TBCA: variants seen among roughly 807,000 people sequenced by gnomAD.
TBCA encodes the protein tubulin folding cofactor A, also known as tubulin-specific chaperone A.
Under a neutral mutation model 15.8 loss-of-function variants are expected in TBCA, and 6 were observed. That is an observed-to-expected ratio of 0.38 (90% confidence interval 0.21 to 0.75). TBCA has a LOEUF of 0.75. TBCA is among the 30% of genes least tolerant of loss of function. TBCA has a pLI of 0.46. For missense variants in TBCA, 90 were observed against 131.2 expected, an observed-to-expected ratio of 0.69 and a Z score of 1.53; for synonymous variants, 32 against 42.3, an observed-to-expected ratio of 0.76 and a Z score of 0.94.
At chr5:77,768,216 T>C (rs1747829718) in intron 1 of TBCA, among the ~76,000 whole-genome samples, 1 of 152,216 alleles carries the variant, frequency 6.6e-6, no homozygotes, top group African/African-American at 2.4e-5. Context: ...GTGTTAATGA[T>C]AATAATGAGA....
intron 1 of TBCA, among the ~76,000 whole-genome samples, chr5:77,729,629 A>AG: frequency 6.6e-6 from 1 of 152,236 alleles, no homozygotes; most frequent in African/African-American, 2.4e-5. Context: ...TTTGCTAAAA[A>AG]GTAACATTCA....
At chr5:77,730,898 GATTTTTAATAACAAT>G in intron 1 of TBCA, among the ~76,000 whole-genome samples, 2 of 152,180 alleles carry the variant, frequency 1.3e-5, no homozygotes, top group East Asian at 3.9e-4. Flanking sequence ...CTCCATCTGA[GATTTTTAATAACAAT>G]ATAGTGTTTC....
chr5:77,702,324 T>C (rs937277794), intron 2 of TBCA, among the ~76,000 whole-genome samples: 2 of 152,144 alleles, frequency 1.3e-5, no homozygotes, highest in African/African-American at 4.8e-5. Flanking sequence ...ATCCAAACCA[T>C]GGAATACTAC....
intron 1 of TBCA, among the ~76,000 whole-genome samples, chr5:77,732,935 C>CT (rs1449194571): frequency 6.6e-6 from 1 of 152,164 alleles, no homozygotes; most frequent in Non-Finnish European, 1.5e-5. Context: ...ATAATGGCCT[C>CT]TAAGTGTTCA....
chr5:77,755,928 CG>C (rs201442964), intron 1 of TBCA, among the ~76,000 whole-genome samples: 1,712 of 151,922 alleles, frequency 0.011, 21 homozygotes, highest in Non-Finnish European at 0.014. Context: ...AGCTCGAACC[CG>C]GGAGGCGGAG....
chr5:77,764,171 T>C (rs1301940522), intron 1 of TBCA, among the ~76,000 whole-genome samples: 2 of 152,216 alleles, frequency 1.3e-5, no homozygotes, highest in African/African-American at 4.8e-5. Flanking sequence ...TGACACGTTT[T>C]AGCAATACAC....
chr5:77,706,355 A>G (rs939875242), intron 2 of TBCA, among the ~76,000 whole-genome samples: 36 of 152,312 alleles, frequency 2.4e-4, no homozygotes, highest in African/African-American at 8.4e-4. Context: ...TACATTTTAT[A>G]GAGATTTATT....
chr5:77,718,193 TAATACTCAG>T (rs1746447047), intron 1 of TBCA, among the ~76,000 whole-genome samples: 1 of 152,210 alleles, frequency 6.6e-6, no homozygotes, highest in Admixed American at 6.5e-5. Context: ...TACTAAAGGA[TAATACTCAG>T]AATAAATAAT....
rs150471964 is a variant in TBCA, at chr5:77,767,727, A to G, written c.53+8478T>C. ...AGCAACTAAAACACAAGCTTTTATCACAATTTAAATCAAAGCCAAGTTCCA... is the reference window on the plus strand; with the variant it reads ...AGCAACTAAAACACAAGCTTTTATCGCAATTTAAATCAAAGCCAAGTTCCA... On this transcript the variant is annotated intron_variant, in intron 1 of 3. Transcript: ENST00000380377. 3.8e-3 allele frequency among the ~76,000 whole-genome samples: 586 copies of G among 152,320 alleles called. 4 individuals are homozygous for G. Among genetic ancestry groups the G allele is most frequent in the African/African-American group, 0.012 (495 of 41,578 alleles).
At chr5:77,770,596 G>GT (rs1747882614) in intron 1 of TBCA, among the ~76,000 whole-genome samples, 1 of 151,740 alleles carries the variant, frequency 6.6e-6, no homozygotes, top group African/African-American at 2.4e-5. Context: ...AAAACAGAGT[G>GT]TTCAACAGTT....
intron 1 of TBCA, among the ~76,000 whole-genome samples, chr5:77,721,236 G>C (rs1746521846): frequency 6.6e-6 from 1 of 152,152 alleles, no homozygotes; most frequent in Non-Finnish European, 1.5e-5. Flanking sequence ...TTACTGATCA[G>C]AAAATTTGGG....
chr5:77,698,295 G>A (rs1745921900), intron 2 of TBCA, among the ~76,000 whole-genome samples: 1 of 151,952 alleles, frequency 6.6e-6, no homozygotes, highest in South Asian at 2.1e-4. Context: ...ATTAAAAGGA[G>A]AAGAAAGAAA....
chr5:77,744,531 C>CTTTTTTTTTT (rs70991305), intron 1 of TBCA, among the ~76,000 whole-genome samples: 2 of 82,966 alleles, frequency 2.4e-5, no homozygotes, highest in African/African-American at 5.1e-5. Context: ...TCTTATTCAC[C>CTTTTTTTTTT]TTTTTTTTTT....
chr5:77,748,335 C>A (rs1332887037), intron 1 of TBCA, among the ~76,000 whole-genome samples: 1 of 151,400 alleles, frequency 6.6e-6, no homozygotes, highest in Non-Finnish European at 1.5e-5. Context: ...TAATTACCAC[C>A]TACTTCTCTT....
chr5:77,727,262 G>C (rs902720416), intron 1 of TBCA, among the ~76,000 whole-genome samples: 1 of 95,480 alleles, frequency 1.0e-5, no homozygotes, highest in Admixed American at 1.0e-4. Context: ...AAAAAAAAAA[G>C]AATAGTGCTG....
intron 1 of TBCA, among the ~76,000 whole-genome samples, chr5:77,756,050 AG>A (rs1389997231): frequency 6.6e-6 from 1 of 152,190 alleles, no homozygotes; most frequent in Non-Finnish European, 1.5e-5. Context: ...GGGTTGCCCA[AG>A]GGGGGTCGTT....
chr5:77,751,037 C>T (rs934205919), intron 1 of TBCA, among the ~76,000 whole-genome samples: 1 of 151,960 alleles, frequency 6.6e-6, no homozygotes, highest in Non-Finnish European at 1.5e-5. Flanking sequence ...TAGCAAGCTT[C>T]AGAGAAAATA....
chr5:77,743,912 T>C (rs1246359642), intron 1 of TBCA, among the ~76,000 whole-genome samples: 3 of 152,140 alleles, frequency 2.0e-5, no homozygotes, highest in Non-Finnish European at 4.4e-5. Context: ...TCAAAGAACT[T>C]ACACTCTAGT....
intron 1 of TBCA, among the ~76,000 whole-genome samples, chr5:77,764,117 C>T (rs1357374456): frequency 6.6e-6 from 1 of 152,102 alleles, no homozygotes; most frequent in Admixed American, 6.5e-5. Flanking sequence ...TGGTAAGTCC[C>T]AGAAAATGCC....
Sources: gnomAD v4.1 joint callset for allele counts (sites outside exome capture counted in the v4.1 genomes callset) on GRCh38, gnomAD v4.1.1 for gene constraint, MANE v1.5 for transcripts, NCBI Gene and HGNC (gene_info 2026-07-23, HGNC 2026-07-21) for gene names.